NBEA: variants seen among roughly 807,000 people sequenced by gnomAD.
The protein encoded by NBEA is lysosomal-trafficking regulator 2.
Under a neutral mutation model 343.4 loss-of-function variants are expected in NBEA, and 44 were observed. The observed-to-expected ratio is 0.13, with a 90% CI of 0.10 to 0.16. The LOEUF (loss-of-function observed/expected upper bound fraction) is 0.16. Ranked by LOEUF, NBEA falls within the 10% of genes least tolerant of loss-of-function variation. NBEA has a pLI of 1.00. For missense variants in NBEA, 2,555 were observed against 3,631.3 expected, an observed-to-expected ratio of 0.70 and a Z score of 7.62; for synonymous variants, 1,175 against 1,238.7, an observed-to-expected ratio of 0.95 and a Z score of 1.08.
intron 38 of NBEA, among the ~76,000 whole-genome samples, chr13:35,426,925 C>T (rs758070908): frequency 1.3e-5 from 2 of 152,168 alleles, no homozygotes; most frequent in African/African-American, 2.4e-5. Context: ...TTGATCGCAT[C>T]GGCTACTGAG....
intron 20 of NBEA, 58 bp from the exon 21 acceptor site, chr13:35,157,020 T>C (rs1480558861): frequency 1.5e-6 from 2 of 1,353,184 alleles, no homozygotes; most frequent in Non-Finnish European, 2.0e-6. Context: ...AGTTTCAAAA[T>C]AGTAAATTCT....
intron 35 of NBEA, among the ~76,000 whole-genome samples, chr13:35,303,658 C>T (rs2036697393): frequency 6.6e-6 from 1 of 152,150 alleles, no homozygotes; most frequent in Non-Finnish European, 1.5e-5. Context: ...CTTTTCAGGA[C>T]ACTCCATTCT....
intron 49 of NBEA, among the ~76,000 whole-genome samples, chr13:35,637,499 A>AC (rs2083742285): frequency 6.6e-6 from 1 of 152,162 alleles, no homozygotes; most frequent in Non-Finnish European, 1.5e-5. Context: ...ACATTTGTAT[A>AC]CCTATGTCCA....
chr13:34,944,315 TGAGA>T (rs2059123936), intron 1 of NBEA, among the ~76,000 whole-genome samples: 1 of 152,212 alleles, frequency 6.6e-6, no homozygotes, highest in African/African-American at 2.4e-5. Flanking sequence ...ATTGGAAAAC[TGAGA>T]GAAAGCTGCA....
intron 1 of NBEA, among the ~76,000 whole-genome samples, chr13:35,004,099 GACA>G (rs2061235841): frequency 6.6e-6 from 1 of 152,128 alleles, no homozygotes; most frequent in Non-Finnish European, 1.5e-5. Context: ...CCCTGCAAAG[GACA>G]TGATCTTGTT....
rs760810672 is a variant in NBEA, at chr13:35,352,320, A to G, written c.6176A>G (p.His2059Arg). The change falls in exon 38 of 59, where the codon CAT becomes CGT. Residue 2059 changes from histidine to arginine, a missense_variant. By Grantham distance (29) the His-to-Arg change is conservative. Transcript: ENST00000379939. ...NKHGAWGAVSHSQLHDFWRLD... is the reference protein window; with the variant it reads ...NKHGAWGAVSRSQLHDFWRLD... ...CATGGTGCTTGGGGAGCAGTTTCTC[A>G]TAGGTGAGTTATAATAAATTCGAGT... 1.4e-6 allele frequency: 2 copies of G among 1,458,792 alleles called. No homozygotes were observed. Among genetic ancestry groups the G allele is most frequent in the Non-Finnish European group, 1.8e-6 (2 of 1,091,236 alleles). 90.4% of individuals were successfully genotyped at this position (1,458,792 alleles called of 1,614,324 possible).
At chr13:35,617,165 A>G (rs1334382303) in intron 48 of NBEA, among the ~76,000 whole-genome samples, 3 of 152,240 alleles carry the variant, frequency 2.0e-5, no homozygotes, top group Non-Finnish European at 4.4e-5. Context: ...ACTTGTGTTC[A>G]TGAAGGAATG....
intron 1 of NBEA, among the ~76,000 whole-genome samples, chr13:35,040,121 A>G (rs2062595564): frequency 6.6e-6 from 1 of 152,152 alleles, no homozygotes; most frequent in Middle Eastern, 3.2e-3. Context: ...CTTTAGACCA[A>G]AAGGATATCC....
chr13:35,467,515 T>C (rs897042550), intron 40 of NBEA, among the ~76,000 whole-genome samples: 9 of 152,020 alleles, frequency 5.9e-5, no homozygotes, highest in African/African-American at 1.9e-4. Flanking sequence ...ATTTTAGATA[T>C]GTTCAGTCAC....
intron 30 of NBEA, chr13:35,185,900 A>T (rs112639035): frequency 6.6e-6 from 1 of 152,118 alleles, no homozygotes. Flanking sequence ...CATGAACTCA[A>T]TGCTTCCAAA....
At chr13:35,267,447 A>G (rs2033777768) in intron 34 of NBEA, among the ~76,000 whole-genome samples, 1 of 152,016 alleles carries the variant, frequency 6.6e-6, no homozygotes, top group South Asian at 2.1e-4. Flanking sequence ...GGATTTGGCA[A>G]TTATATCTTG....
intron 52 of NBEA, among the ~76,000 whole-genome samples, chr13:35,650,703 A>G (rs1233577567): frequency 1.3e-5 from 2 of 152,180 alleles, no homozygotes; most frequent in Non-Finnish European, 2.9e-5. Flanking sequence ...CTTTGTCTCA[A>G]AATAAACAAA....
intron 33 of NBEA, among the ~76,000 whole-genome samples, chr13:35,226,069 G>A (rs1174057139): frequency 1.3e-5 from 2 of 151,960 alleles, no homozygotes; most frequent in Non-Finnish European, 1.5e-5. Flanking sequence ...AATTCTTTCG[G>A]TGCTTTACTG....
rs1249444184 is a variant in NBEA, at chr13:35,648,150, C to A, written c.7771-1505C>A. Among the ~76,000 whole-genome samples the A allele has an allele frequency of 2.0e-5, 3 of 150,762 alleles. No individual in the cohort carries two copies. In the East Asian group the frequency reaches 5.8e-4, roughly 29 times the overall value. On this transcript the variant is annotated intron_variant, in intron 51 of 58. Coordinates refer to ENST00000379939, the MANE Select transcript of NBEA (RefSeq NM_001385012.1). ...AAGCGCTGGGAATACAGGCATAAGC[C>A]ACCATGCCTGCCTGGTGTGTGTTTA... is the stretch of plus-strand genomic sequence containing the variant.
At chr13:35,592,869 T>C (rs200939880) in intron 46 of NBEA, 1 of 112,780 alleles carries the variant, frequency 8.9e-6, no homozygotes, top group Admixed American at 9.3e-5. Context: ...CAGGTAATCA[T>C]GGACATTCTC....
chr13:35,671,082 A>T lies in NBEA; in HGVS notation c.*91A>T. The T allele has an allele frequency of 1.2e-6, 1 of 831,996 alleles. No individual in the cohort carries two copies. Among genetic ancestry groups the T allele is most frequent in the East Asian group, 2.7e-5 (1 of 37,632 alleles). 51.5% of individuals were successfully genotyped at this position (831,996 alleles called of 1,614,324 possible). On this transcript the variant is annotated 3_prime_UTR_variant, in exon 59 of 59. Coordinates refer to ENST00000379939, the MANE Select transcript of NBEA (RefSeq NM_001385012.1). ...TCTCTGGTGGAAAAAACTCGTCTAC[A>T]TCGACCTCCGTTTGTACATTCCATC...
chr13:35,457,377 A>C (rs1317606314), intron 40 of NBEA, among the ~76,000 whole-genome samples: 3 of 152,176 alleles, frequency 2.0e-5, no homozygotes, highest in African/African-American at 7.2e-5. Flanking sequence ...ACCGAAATCA[A>C]TTTTAAAATA....
At chr13:35,323,859 AC>A (rs764070128) in intron 36 of NBEA, among the ~76,000 whole-genome samples, 9 of 152,118 alleles carry the variant, frequency 5.9e-5, no homozygotes, top group Non-Finnish European at 1.0e-4. Context: ...TGAGAAAGTT[AC>A]CTATTTTGGT....
At chr13:35,561,373 A>G (rs2079849156) in intron 44 of NBEA, among the ~76,000 whole-genome samples, 1 of 152,190 alleles carries the variant, frequency 6.6e-6, no homozygotes, top group Non-Finnish European at 1.5e-5. Context: ...TCTGGTTGAC[A>G]AGATGAAACA....
Sources: gnomAD v4.1 joint callset for allele counts (sites outside exome capture counted in the v4.1 genomes callset) on GRCh38, gnomAD v4.1.1 for gene constraint, MANE v1.5 for transcripts, NCBI Gene and HGNC (gene_info 2026-07-23, HGNC 2026-07-21) for gene names.